SLX9: variants seen among roughly 807,000 people sequenced by gnomAD.
SLX9 encodes ribosome biogenesis protein SLX9 homolog.
Under a neutral mutation model 20.8 loss-of-function variants are expected in SLX9, and 19 were observed. That is an observed-to-expected ratio of 0.91 (90% CI 0.64 to 1.34). SLX9 has a LOEUF of 1.34. Among genes scored for constraint, SLX9 ranks in the 40% most tolerant of loss-of-function variants. The pLI, the probability that SLX9 is intolerant of heterozygous loss-of-function variation, is 0.00. For synonymous variants in SLX9, 113 were observed against 137.1 expected (o/e 0.82, Z 1.23); for missense variants, 299 against 322.2 (o/e 0.93, Z 0.55).
At chr21:44,954,612 G>A (rs943854096) in intron 2 of SLX9, among the ~76,000 whole-genome samples, 2 of 152,166 alleles carry the variant, frequency 1.3e-5, no homozygotes, top group Admixed American at 6.5e-5. Context: ...AACGTCCTCC[G>A]GCCCTGCAGC....
intron 4 of SLX9, chr21:44,969,287 T>G: frequency 2.2e-6 from 1 of 449,292 alleles, no homozygotes; most frequent in Non-Finnish European, 4.7e-6. Context: ...AGTGGCGATG[T>G]GATGACCGAA....
Position 44,967,182 on chromosome 21 carries a change from G to T in SLX9, c.500+1G>T. ...CTGGCAGCCGGCGCCAAGCCCGCAG[G>T]TGAGTGTCCGGGAGGGGTGGCCCTT... On this transcript the variant is annotated splice_donor_variant, in intron 4 of 5. Transcript: ENST00000291634. LOFTEE classifies it high-confidence loss of function. The T allele has an allele frequency of 6.3e-7, 1 of 1,576,320 alleles. No homozygotes were observed. Among genetic ancestry groups the T allele is most frequent in the Non-Finnish European group, 8.6e-7 (1 of 1,162,104 alleles).
rs540056916 is a variant in SLX9, at chr21:44,963,453, G to A, written c.352+3285G>A. 1.8e-4 allele frequency among the ~76,000 whole-genome samples: 27 copies of A among 151,100 alleles called. 1 individual carries two copies. The highest frequency in any genetic ancestry group is 3.1e-4 in the Non-Finnish European group (21 of 67,944). The stretch of plus-strand genomic sequence containing the variant: ...TATTAGTTATTGTGTGTGTGTATAT[G>A]TATGTGTGTGTGTCCTATTTAAGAA... On this transcript the variant is annotated intron_variant, in intron 3 of 5. Transcript: ENST00000291634.
At chr21:44,969,583 C>T (rs1224031490) in intron 4 of SLX9, among the ~76,000 whole-genome samples, 1 of 152,172 alleles carries the variant, frequency 6.6e-6, no homozygotes, top group Non-Finnish European at 1.5e-5. Context: ...CTCTTGGAAT[C>T]AGCCCTATTT....
intron 2 of SLX9, among the ~76,000 whole-genome samples, chr21:44,946,802 A>G (rs1053562490): frequency 1.4e-4 from 21 of 152,200 alleles, no homozygotes; most frequent in African/African-American, 5.1e-4. Context: ...TCTGCACTGA[A>G]GAGCCCCGGG....
chr21:44,950,026 A>G (rs1054767371), intron 2 of SLX9, among the ~76,000 whole-genome samples: 13 of 152,218 alleles, frequency 8.5e-5, no homozygotes, highest in African/African-American at 3.1e-4. Context: ...CCTGCCTTGC[A>G]CAGCGGAGAC....
intron 2 of SLX9, among the ~76,000 whole-genome samples, chr21:44,955,684 C>A (rs144205217): frequency 1.3e-5 from 2 of 152,182 alleles, no homozygotes; most frequent in Admixed American, 1.3e-4. Flanking sequence ...TGCTCCCGGC[C>A]CCCTCTTTTC....
chr21:44,950,405 G>C (rs2084734028), intron 2 of SLX9, among the ~76,000 whole-genome samples: 1 of 152,362 alleles, frequency 6.6e-6, no homozygotes, highest in East Asian at 1.9e-4. Flanking sequence ...CGAGGCTTGG[G>C]GTCAGATGGC....
At chr21:44,974,713 A>G (rs1158922763) in intron 5 of SLX9, among the ~76,000 whole-genome samples, 4 of 152,000 alleles carry the variant, frequency 2.6e-5, no homozygotes, top group Admixed American at 2.0e-4. Context: ...CTTCCCGTAG[A>G]TCTTTGTGTT....
chr21:44,942,241 G>A (rs2084563173), intron 1 of SLX9, among the ~76,000 whole-genome samples: 1 of 152,160 alleles, frequency 6.6e-6, no homozygotes, highest in Admixed American at 6.5e-5. Flanking sequence ...TCCCCACCTG[G>A]TCCCTGTTTG....
At chr21:44,967,283 G>A in intron 4 of SLX9, 102 bp downstream of exon 4, 1 of 1,427,998 alleles carries the variant, frequency 7.0e-7, no homozygotes, top group South Asian at 1.4e-5. Context: ...TGCTTCCTGA[G>A]CCTGCAGAGG....
At chr21:44,941,371 T>C (rs1452047773) in intron 1 of SLX9, among the ~76,000 whole-genome samples, 1 of 152,200 alleles carries the variant, frequency 6.6e-6, no homozygotes, top group Non-Finnish European at 1.5e-5. Context: ...CTTGATTACT[T>C]TGTTTATTGA....
At chr21:44,966,410 C>T (rs1006883372) in intron 3 of SLX9, among the ~76,000 whole-genome samples, 1 of 152,214 alleles carries the variant, frequency 6.6e-6, no homozygotes, top group East Asian at 1.9e-4. Flanking sequence ...GAGCCACGTG[C>T]AGTGAGCAGC....
At chr21:44,943,905 G>C in intron 2 of SLX9, 68 bp downstream of exon 2, 1 of 1,600,490 alleles carries the variant, frequency 6.2e-7, no homozygotes, top group Non-Finnish European at 8.5e-7. Flanking sequence ...TCAGGCACCC[G>C]AGGTCTCAGC....
Position 44,973,231 on chromosome 21 carries a change from A to G in SLX9, c.535A>G (p.Ser179Gly), listed in dbSNP as rs2085190423. ...CAACAAGCCCCGGCCCTCAGAGCTC[A>G]GCCGGATGAGCGCAGCCCAGAGACA... ...ESNKPRPSEL[S>G]RMSAAQRQQL... Residue 179 changes from serine to glycine, a missense_variant, in exon 5 of 6, where the codon AGC becomes GGC. Ser to Gly is a moderately conservative substitution (Grantham distance 56). Transcript: ENST00000291634. 4 of 1,612,988 alleles carry G rather than the reference A, an allele frequency of 2.5e-6. No homozygotes were observed. Among genetic ancestry groups the G allele is most frequent in the Non-Finnish European group, 3.4e-6 (4 of 1,179,744 alleles).
chr21:44,940,025 C>T (rs1332678211), upstream of SLX9: 5 of 1,392,874 alleles, frequency 3.6e-6, no homozygotes, highest in Middle Eastern at 2.6e-4. Context: ...TTCCGGGAGG[C>T]GCTCCGCACG....
intron 2 of SLX9, among the ~76,000 whole-genome samples, chr21:44,944,069 G>A (rs970458462): frequency 6.6e-6 from 1 of 152,234 alleles, no homozygotes; most frequent in Non-Finnish European, 1.5e-5. Flanking sequence ...TCTGCGTCCT[G>A]GCAGCCACGC....
rs190894335 is a variant in SLX9 at position 44,974,047 on chromosome 21, A to G, written c.569+782A>G. Among the ~76,000 whole-genome samples the G allele has an allele frequency of 2.0e-3, 307 of 152,298 alleles. 2 individuals are homozygous for G. The highest frequency in any genetic ancestry group is 6.5e-3 in the African/African-American group (270 of 41,550). ...AGGGCTAGGACACTGATTTGCAGAA[A>G]TTTGTACTCAGTTGTCCTCTTGGGT... On this transcript the variant is annotated intron_variant, in intron 5 of 5. Coordinates refer to ENST00000291634, the MANE Select transcript of SLX9 (RefSeq NM_058190.4).
At chr21:44,954,711 A>C (rs2084823336) in intron 2 of SLX9, among the ~76,000 whole-genome samples, 1 of 152,040 alleles carries the variant, frequency 6.6e-6, no homozygotes, top group Non-Finnish European at 1.5e-5. Context: ...CTTGGCTGTG[A>C]CTGCTCTTCT....
Sources: allele counts gnomAD v4.1 joint callset (sites outside exome capture counted in the v4.1 genomes callset), GRCh38; gene constraint gnomAD v4.1.1; transcripts MANE v1.5; gene names NCBI Gene and HGNC (gene_info 2026-07-23, HGNC 2026-07-21).